Variants in PDE4D observed in about 807,000 individuals in gnomAD.
PDE4D encodes the protein phosphodiesterase 4D.
Under a neutral mutation model 87.4 loss-of-function variants are expected in PDE4D, and 24 were observed. The observed-to-expected ratio is 0.27, with a 90% CI of 0.20 to 0.39. PDE4D has a LOEUF of 0.39. Among genes scored for constraint, PDE4D ranks in the 10% least tolerant of loss-of-function variants. The pLI is 1.00. For missense variants in PDE4D, 714 were observed against 1,041.0 expected (o/e 0.69, Z 4.32); for synonymous variants, 384 against 383.2 (o/e 1.00, Z -0.02).
chr5:59,510,098 A>G (rs2153668212), intron 1 of PDE4D, among the ~76,000 whole-genome samples: 1 of 150,728 alleles, frequency 6.6e-6, no homozygotes, highest in South Asian at 2.1e-4. Flanking sequence ...GTATTTATTT[A>G]AAAACTCATT....
chr5:60,195,047 C>T (rs1042917409), intron 1 of PDE4D, among the ~76,000 whole-genome samples: 1 of 151,666 alleles, frequency 6.6e-6, no homozygotes, highest in African/African-American at 2.4e-5. Context: ...TCTCACCTCC[C>T]TGTCCTCTGT....
intron 2 of PDE4D, among the ~76,000 whole-genome samples, chr5:60,138,414 T>G (rs1582830337): frequency 6.6e-6 from 1 of 152,090 alleles, no homozygotes; most frequent in East Asian, 1.9e-4. Context: ...TCTATATAAT[T>G]TCACTGAACT....
intron 1 of PDE4D, among the ~76,000 whole-genome samples, chr5:60,337,353 ATATAT>A (rs1561133768): frequency 0.023 from 2,014 of 86,160 alleles, 74 homozygotes; most frequent in African/African-American, 0.077. Context: ...CAAACAAACT[ATATAT>A]ATATATATAT....
At chr5:60,103,390 G>A (rs1037340305) in intron 2 of PDE4D, among the ~76,000 whole-genome samples, 1 of 152,122 alleles carries the variant, frequency 6.6e-6, no homozygotes, top group South Asian at 2.1e-4. Context: ...AGGGGAAAAG[G>A]ACACAAGAGA....
chr5:60,124,262 TA>T (rs1222253029), intron 2 of PDE4D, among the ~76,000 whole-genome samples: 6 of 152,128 alleles, frequency 3.9e-5, no homozygotes, highest in Admixed American at 3.9e-4. Context: ...ATGCTCCCCC[TA>T]ACCTCAACTG....
intron 1 of PDE4D, among the ~76,000 whole-genome samples, chr5:59,575,536 T>A (rs931546670): frequency 3.3e-5 from 5 of 152,156 alleles, no homozygotes; most frequent in African/African-American, 1.2e-4. Flanking sequence ...GGATGGTTGC[T>A]TCTACAAATC....
At chr5:59,700,960 A>T (rs1003441427) in intron 1 of PDE4D, among the ~76,000 whole-genome samples, 2 of 152,148 alleles carry the variant, frequency 1.3e-5, no homozygotes, top group African/African-American at 2.4e-5. Flanking sequence ...AGCCCCTAGA[A>T]TCTGATCTTG....
At chr5:60,469,352 T>A (rs1747643766) in intron 1 of PDE4D, among the ~76,000 whole-genome samples, 1 of 152,100 alleles carries the variant, frequency 6.6e-6, no homozygotes, top group Non-Finnish European at 1.5e-5. Context: ...CAGCTCCCCT[T>A]CATCTTCATA....
intron 2 of PDE4D, among the ~76,000 whole-genome samples, chr5:60,156,471 G>A (rs1449343767): frequency 6.6e-6 from 1 of 152,016 alleles, no homozygotes; most frequent in Non-Finnish European, 1.5e-5. Flanking sequence ...TCAGTTACAT[G>A]TATATTCCTA....
chr5:59,345,079 A>T (rs573784859), intron 1 of PDE4D, among the ~76,000 whole-genome samples: 1 of 152,316 alleles, frequency 6.6e-6, no homozygotes, highest in East Asian at 1.9e-4. Context: ...CATTAAAAAG[A>T]CATAATGACT....
chr5:59,819,621 T>C (rs1320092362), intron 1 of PDE4D, among the ~76,000 whole-genome samples: 1 of 152,244 alleles, frequency 6.6e-6, no homozygotes, highest in Non-Finnish European at 1.5e-5. Flanking sequence ...GAAAACTTGA[T>C]ATTTGGCACT....
chr5:59,806,615 T>C (rs1297236712), intron 1 of PDE4D, among the ~76,000 whole-genome samples: 2 of 152,230 alleles, frequency 1.3e-5, no homozygotes, highest in African/African-American at 2.4e-5. Context: ...TTTATTCAAG[T>C]TTATTATTTC....
intron 2 of PDE4D, among the ~76,000 whole-genome samples, chr5:60,164,453 C>T (rs1782719072): frequency 6.6e-6 from 1 of 152,100 alleles, no homozygotes; most frequent in African/African-American, 2.4e-5. Flanking sequence ...TCCTTCCATT[C>T]TATTTAAGCA....
chr5:60,009,010 A>G (rs985000804), intron 2 of PDE4D, among the ~76,000 whole-genome samples: 28 of 152,036 alleles, frequency 1.8e-4, no homozygotes, highest in Admixed American at 1.4e-3. Flanking sequence ...AAAATTAACA[A>G]TGAAAATGGT....
At chr5:59,070,042 A>G (rs1039340542) in intron 5 of PDE4D, among the ~76,000 whole-genome samples, 2 of 152,300 alleles carry the variant, frequency 1.3e-5, no homozygotes, top group Middle Eastern at 3.4e-3. Flanking sequence ...AAACATTTTT[A>G]TACCTCTTAA....
chr5:60,012,268 T>C (rs762837599), intron 2 of PDE4D, among the ~76,000 whole-genome samples: 1 of 152,140 alleles, frequency 6.6e-6, no homozygotes, highest in African/African-American at 2.4e-5. Flanking sequence ...ACTGCATGAG[T>C]GCATGCTACT....
intron 5 of PDE4D, among the ~76,000 whole-genome samples, chr5:59,092,644 A>G (rs1432196924): frequency 6.6e-6 from 1 of 152,162 alleles, no homozygotes; most frequent in Non-Finnish European, 1.5e-5. Flanking sequence ...GGTCTCTGAA[A>G]TCAGATCTGA....
intron 1 of PDE4D, among the ~76,000 whole-genome samples, chr5:60,511,109 A>G (rs1271102951): frequency 6.6e-6 from 1 of 152,132 alleles, no homozygotes; most frequent in Non-Finnish European, 1.5e-5. Flanking sequence ...AGCTGGGATT[A>G]TAGGTGCTTG....
At chr5:59,030,977 T>C (rs1438210254) in intron 6 of PDE4D, among the ~76,000 whole-genome samples, 2 of 152,102 alleles carry the variant, frequency 1.3e-5, no homozygotes, top group African/African-American at 2.4e-5. Context: ...CACTAGCCAT[T>C]CTTCCTGATG....
Sources: gnomAD v4.1 joint callset for allele counts (sites outside exome capture counted in the v4.1 genomes callset) on GRCh38, gnomAD v4.1.1 for gene constraint, MANE v1.5 for transcripts, NCBI Gene and HGNC (gene_info 2026-07-23, HGNC 2026-07-21) for gene names.